The following NF1 variants were observed in gnomAD, a reference collection of about 807,000 sequenced individuals.
The protein encoded by NF1 is neurofibromin 1.
A neutral mutation model predicts 325.7 loss-of-function variants in NF1; 122 were observed. The observed-to-expected ratio is 0.37, with a 90% CI of 0.32 to 0.44. NF1 has a LOEUF of 0.44. Among genes scored for constraint, NF1 ranks in the 20% least tolerant of loss-of-function variants. The pLI is 1.00. For missense variants in NF1, 2,140 were observed against 3,415.4 expected, an observed-to-expected ratio of 0.63 and a Z score of 9.31; for synonymous variants, 1,091 against 1,186.0, an observed-to-expected ratio of 0.92 and a Z score of 1.65.
intron 1 of NF1, among the ~76,000 whole-genome samples, chr17:31,144,709 A>G (rs1275712222): frequency 6.6e-6 from 1 of 152,158 alleles, no homozygotes; most frequent in Non-Finnish European, 1.5e-5. Context: ...CATTTTTTAC[A>G]TGACAACTGG....
chr17:31,187,717 C>A (rs1378668089), intron 8 of NF1, among the ~76,000 whole-genome samples: 1 of 152,182 alleles, frequency 6.6e-6, no homozygotes, highest in African/African-American at 2.4e-5. Flanking sequence ...CACTCACCAT[C>A]ACCCCTAGTG....
chr17:31,295,749 G>A, intron 36 of NF1: 1 of 1,614,184 alleles, frequency 6.2e-7, no homozygotes, highest in South Asian at 1.1e-5. Flanking sequence ...AGGTAAAGAT[G>A]TGTGAGATTT....
At chr17:31,344,094 T>A (rs1863896424) in intron 48 of NF1, among the ~76,000 whole-genome samples, 2 of 152,352 alleles carry the variant, frequency 1.3e-5, no homozygotes, top group Admixed American at 1.3e-4. Context: ...TAAGTGTTAT[T>A]TGAATAATTT....
chr17:31,289,014 A>T (rs576382845), intron 36 of NF1, among the ~76,000 whole-genome samples: 1 of 152,200 alleles, frequency 6.6e-6, no homozygotes, highest in Non-Finnish European at 1.5e-5. Context: ...ATTGTTAGCC[A>T]ACTAGTCACA....
chr17:31,261,898 G>C (rs779404241), intron 35 of NF1, 41 bp downstream of exon 35: 4 of 1,609,066 alleles, frequency 2.5e-6, no homozygotes, highest in South Asian at 2.2e-5. Context: ...TTTCTTTTTG[G>C]TTGAGAAGGA....
chr17:31,219,520 A>C (rs769424734), intron 14 of NF1, among the ~76,000 whole-genome samples: 16 of 151,914 alleles, frequency 1.1e-4, no homozygotes, highest in Non-Finnish European at 2.2e-4. Flanking sequence ...TTTAGGTTAC[A>C]TGCGCACAAT....
chr17:31,199,160 G>T (rs944805488), intron 8 of NF1, among the ~76,000 whole-genome samples: 7 of 151,882 alleles, frequency 4.6e-5, no homozygotes, highest in African/African-American at 1.7e-4. Context: ...GTTCCTTGAG[G>T]TATATGGTTA....
At chr17:31,296,273 G>A in intron 36 of NF1, 1 of 1,613,996 alleles carries the variant, frequency 6.2e-7, no homozygotes, top group Non-Finnish European at 8.5e-7. Context: ...TAAAATACCA[G>A]GTGTGAGAAA....
intron 35 of NF1, among the ~76,000 whole-genome samples, chr17:31,264,819 A>G (rs2067757262): frequency 6.6e-6 from 1 of 152,240 alleles, no homozygotes; most frequent in African/African-American, 2.4e-5. Context: ...AATGATTTGG[A>G]AAAATATTTT....
intron 1 of NF1, among the ~76,000 whole-genome samples, chr17:31,141,848 C>T (rs1313622070): frequency 6.6e-6 from 1 of 152,130 alleles, no homozygotes; most frequent in Admixed American, 6.6e-5. Flanking sequence ...GACTTAATTC[C>T]GTTTCTTGTG....
chr17:31,181,203 A>G (rs2066125747), intron 5 of NF1, among the ~76,000 whole-genome samples: 1 of 152,214 alleles, frequency 6.6e-6, no homozygotes, highest in African/African-American at 2.4e-5. Flanking sequence ...GAAAAAGCTC[A>G]CAATCATTGA....
chr17:31,149,281 C>CACACACAT lies in NF1; in HGVS notation c.61-6695_61-6694insTACACACA, dbSNP rs1407368019. Among the ~76,000 whole-genome samples, 483 of 150,890 alleles carry CACACACAT rather than the reference C, an allele frequency of 3.2e-3. 5 individuals are homozygous for CACACACAT. The highest frequency in any genetic ancestry group is 0.011 in the African/African-American group (465 of 40,672). ...ATATATACACTTATATACATGTACA[C>CACACACAT]ACACACACATACACACACACACACA... On this transcript the variant is annotated intron_variant, in intron 1 of 57. Transcript: ENST00000358273.
chr17:31,234,395 C>T (rs1364420352), intron 27 of NF1, among the ~76,000 whole-genome samples: 3 of 152,004 alleles, frequency 2.0e-5, no homozygotes, highest in South Asian at 2.1e-4. Context: ...AGTTAAGGGC[C>T]GGGTGTGGTC....
chr17:31,109,340 C>G (rs183023431), intron 1 of NF1, among the ~76,000 whole-genome samples: 22 of 152,098 alleles, frequency 1.4e-4, no homozygotes, highest in African/African-American at 5.1e-4. Flanking sequence ...GTTCTGATGA[C>G]TCTCAGCAAT....
chr17:31,181,370 A>G (rs2066129408), intron 5 of NF1, 52 bp from the exon 6 acceptor site: 1 of 1,490,166 alleles, frequency 6.7e-7, no homozygotes, highest in Non-Finnish European at 9.3e-7. Context: ...TCTGAGTTGT[A>G]TTTGTGTTAA....
At chr17:31,197,965 G>A (rs1406619964) in intron 8 of NF1, among the ~76,000 whole-genome samples, 6 of 152,118 alleles carry the variant, frequency 3.9e-5, no homozygotes. Context: ...ACGATGTTGA[G>A]GAAATTTCCT....
intron 1 of NF1, among the ~76,000 whole-genome samples, chr17:31,144,261 C>T (rs959172619): frequency 6.6e-6 from 1 of 152,216 alleles, no homozygotes; most frequent in Non-Finnish European, 1.5e-5. Flanking sequence ...CTCTTCTATT[C>T]ATATTAGCTT....
intron 56 of NF1, chr17:31,360,239 A>T: frequency 1.9e-6 from 1 of 513,450 alleles, no homozygotes; most frequent in Non-Finnish European, 3.5e-6. Flanking sequence ...TCAGTATTAC[A>T]TTCAGTCTGT....
chr17:31,279,685 T>A (rs975535082), intron 36 of NF1, among the ~76,000 whole-genome samples: 1 of 151,846 alleles, frequency 6.6e-6, no homozygotes, highest in Non-Finnish European at 1.5e-5. Flanking sequence ...TAATTGTGAG[T>A]ACCTTCTAGA....
Sources: gnomAD v4.1 joint callset for allele counts (sites outside exome capture counted in the v4.1 genomes callset) on GRCh38, gnomAD v4.1.1 for gene constraint, MANE v1.5 for transcripts, NCBI Gene and HGNC (gene_info 2026-07-23, HGNC 2026-07-21) for gene names.